Variants in YY1 observed in about 807,000 individuals in gnomAD.
The protein encoded by YY1 is YY1 transcription factor, also known as transcriptional repressor protein YY1.
YY1 carries 2 observed loss-of-function variants against 35.6 expected under a neutral mutation model. That is an observed-to-expected ratio of 0.06 (90% CI 0.02 to 0.18). The LOEUF (loss-of-function observed/expected upper bound fraction) is 0.18, where lower values mean the gene tolerates loss of function less well. Ranked by LOEUF, YY1 falls within the 10% of genes least tolerant of loss-of-function variation. The pLI, the probability that YY1 is intolerant of heterozygous loss-of-function variation, is 1.00. For synonymous variants in YY1, 268 were observed against 238.9 expected (o/e 1.12, Z -1.12); for missense variants, 322 against 573.4 (o/e 0.56, Z 4.48).
At chr14:100,254,116 G>A (rs1207700083) in intron 1 of YY1, among the ~76,000 whole-genome samples, 4 of 152,094 alleles carry the variant, frequency 2.6e-5, no homozygotes, top group South Asian at 2.1e-4. Context: ...GATTATAGGC[G>A]TGAGCCACCA....
At chr14:100,247,375 C>CT (rs961409524) in intron 1 of YY1, among the ~76,000 whole-genome samples, 1 of 147,650 alleles carries the variant, frequency 6.8e-6, no homozygotes, top group Non-Finnish European at 1.5e-5. Flanking sequence ...ATGAATTTTT[C>CT]TTTTTTTCTT....
At chr14:100,260,142 T>C (rs1216012944) in intron 1 of YY1, among the ~76,000 whole-genome samples, 2 of 152,102 alleles carry the variant, frequency 1.3e-5, no homozygotes, top group Non-Finnish European at 2.9e-5. Context: ...TGGAGTGCAA[T>C]CTCGGCTCAC....
At chr14:100,250,680 T>G (rs1890911396) in intron 1 of YY1, among the ~76,000 whole-genome samples, 1 of 152,146 alleles carries the variant, frequency 6.6e-6, no homozygotes, top group Non-Finnish European at 1.5e-5. Context: ...TTTCAGCCAA[T>G]GTGACAAATT....
chr14:100,272,436 T>G (rs1022332098), intron 2 of YY1, among the ~76,000 whole-genome samples: 5 of 152,210 alleles, frequency 3.3e-5, no homozygotes, highest in African/African-American at 1.2e-4. Context: ...CTCCTAGGGC[T>G]GGAAAGTTTA....
intron 1 of YY1, among the ~76,000 whole-genome samples, chr14:100,251,508 A>C (rs574429541): frequency 1.0e-3 from 157 of 152,380 alleles, no homozygotes; most frequent in African/African-American, 3.7e-3. Context: ...TTACAGTGGT[A>C]ATAGGAAACT....
chr14:100,259,884 AT>A (rs1481946563), intron 1 of YY1, among the ~76,000 whole-genome samples: 2 of 152,220 alleles, frequency 1.3e-5, no homozygotes, highest in Non-Finnish European at 2.9e-5. Flanking sequence ...GATTGAAATA[AT>A]TTACAGCAGC....
In YY1 at chr14:100,262,766, G is replaced by A. The variant is rs182764455; in HGVS notation, c.842+300G>A. Among the ~76,000 whole-genome samples, 76 of 152,154 alleles carry A rather than the reference G, an allele frequency of 5.0e-4. 1 individual carries two copies. In the East Asian group the frequency reaches 0.013, roughly 25 times the overall value. ...TTTTAGTAGTAACTATGCTATTAAT[G>A]TGAGTGGCAGCATTTTAGATCCTTG... On this transcript the variant is annotated intron_variant, in intron 2 of 4. Transcript: ENST00000262238.
At chr14:100,254,607 G>A (rs1209637449) in intron 1 of YY1, among the ~76,000 whole-genome samples, 2 of 151,798 alleles carry the variant, frequency 1.3e-5, no homozygotes, top group African/African-American at 2.4e-5. Context: ...AAAGGCACAC[G>A]CCACCACACC....
At chr14:100,251,049 A>G (rs1890917227) in intron 1 of YY1, among the ~76,000 whole-genome samples, 1 of 152,104 alleles carries the variant, frequency 6.6e-6, no homozygotes, top group African/African-American at 2.4e-5. Context: ...TCTGATTAAC[A>G]TATTGACTAA....
chr14:100,266,703 G>T (rs1390581145), intron 2 of YY1, among the ~76,000 whole-genome samples: 1 of 152,166 alleles, frequency 6.6e-6, no homozygotes, highest in Non-Finnish European at 1.5e-5. Context: ...CCATCAAGTG[G>T]AAAGAATGAT....
chr14:100,263,857 G>A (rs2077216), intron 2 of YY1: 30,278 of 151,936 alleles, frequency 0.2, 3,696 homozygotes, highest in Middle Eastern at 0.35. Flanking sequence ...TCAAATGGGC[G>A]TTAAGAATTC....
Position 100,277,810 on chromosome 14 carries a change from G to A in YY1, c.*210G>A. 1.7e-6 allele frequency: 1 copy of A among 580,680 alleles called. No individual in the cohort carries two copies. The highest frequency in any genetic ancestry group is 3.0e-6 in the Non-Finnish European group (1 of 337,384). The allele number at this position is 580,680 out of a possible 1,614,324, so 36.0% of individuals were successfully genotyped here. ...TTGCTAAGATGCTCTATCTTGCTCTGTAATCTCGTTTCAAAAACACAGTGT... is the reference window on the plus strand; with the variant it reads ...TTGCTAAGATGCTCTATCTTGCTCTATAATCTCGTTTCAAAAACACAGTGT... On this transcript the variant is annotated 3_prime_UTR_variant, in exon 5 of 5. Transcript: ENST00000262238. The surrounding 1 kb of genome is among the most constrained non-coding windows in gnomAD (Gnocchi z 5.6).
Position 100,239,648 on chromosome 14 carries a change from T to G in YY1, c.404T>G (p.Val135Gly). The change falls in exon 1 of 5, where the codon GTG becomes GGG. Residue 135 changes from valine (V) to glycine (G), a missense_variant. This residue lies in a region of YY1 where 152 missense variants were observed against 167.1 expected (regional missense o/e 0.91). Transcript: ENST00000262238. ...TTCGAGGATCAGATTCTCATCCCGG[T>G]GCCCGCGCCGGCCGGCGGCGACGAC... ...DGFEDQILIP[V>G]PAPAGGDDDY... 1 of 1,610,050 alleles carries G rather than the reference T, an allele frequency of 6.2e-7. No homozygotes were observed. Among genetic ancestry groups the G allele is most frequent in the Non-Finnish European group, 8.5e-7 (1 of 1,179,402 alleles).
chr14:100,260,287 G>A (rs1377538275), intron 1 of YY1, among the ~76,000 whole-genome samples: 1 of 151,482 alleles, frequency 6.6e-6, no homozygotes. Flanking sequence ...ATGTTGGCCA[G>A]GCTGGTCTTG....
At chr14:100,242,387 T>G (rs868548784) in intron 1 of YY1, among the ~76,000 whole-genome samples, 23,189 of 125,142 alleles carry the variant, frequency 0.19, 3,061 homozygotes, top group Middle Eastern at 0.28. Flanking sequence ...TGTTTTTTTT[T>G]TTTTTTTTTT....
intron 1 of YY1, among the ~76,000 whole-genome samples, chr14:100,244,197 C>A (rs1261952046): frequency 6.6e-6 from 1 of 151,970 alleles, no homozygotes; most frequent in Non-Finnish European, 1.5e-5. Flanking sequence ...CTTTAATTTC[C>A]CACAGTAAGA....
At chr14:100,260,446 T>TAC (rs71113252) in intron 1 of YY1, among the ~76,000 whole-genome samples, 5,677 of 139,256 alleles carry the variant, frequency 0.041, 228 homozygotes, top group African/African-American at 0.1. Context: ...TATATATATA[T>TAC]ACACACACAC....
intron 1 of YY1, among the ~76,000 whole-genome samples, chr14:100,255,736 T>C (rs1890996370): frequency 6.6e-6 from 1 of 152,236 alleles, no homozygotes; most frequent in Admixed American, 6.5e-5. Flanking sequence ...GCCTCTCTTG[T>C]CTGTGCTTAG....
intron 1 of YY1, among the ~76,000 whole-genome samples, chr14:100,248,122 T>TTTTTTTTTTC (rs1890862398): frequency 3.5e-5 from 1 of 28,562 alleles, no homozygotes; most frequent in Non-Finnish European, 6.3e-5. Flanking sequence ...TTTTTTTTTC[T>TTTTTTTTTTC]TTTTTTTTTT....
Sources: gnomAD v4.1 joint callset for allele counts (sites outside exome capture counted in the v4.1 genomes callset) on GRCh38, gnomAD v4.1.1 for gene constraint, gnomAD v4.1.1 regional missense constraint, Gnocchi (gnomAD v3.1) non-coding constraint, MANE v1.5 for transcripts, NCBI Gene and HGNC (gene_info 2026-07-23, HGNC 2026-07-21) for gene names.